SOX5: variants seen among roughly 807,000 people sequenced by gnomAD.
The protein encoded by SOX5 is SRY-box transcription factor 5, also known as transcription factor SOX-5.
SOX5 carries 9 observed loss-of-function variants against 92.0 expected under a neutral mutation model. The observed-to-expected ratio is 0.10, with a 90% CI of 0.06 to 0.17. SOX5 has a LOEUF of 0.17. SOX5 is among the 10% of genes least tolerant of loss of function. The pLI, the probability that SOX5 is intolerant of heterozygous loss-of-function variation, is 1.00. For missense variants in SOX5, 642 were observed against 944.5 expected (o/e 0.68, Z 4.20); for synonymous variants, 344 against 336.3 (o/e 1.02, Z -0.25).
rs545687808 is a variant in SOX5, at chr12:23,864,702, T to C, written c.271-18509A>G. On this transcript the variant is annotated intron_variant, in intron 2 of 14. Transcript: ENST00000451604. ...AAGGCTGAGAGAGGTGAGGAAGCTG[T>C]AGAAGAAAAGTTGAAAGCTAGCAGA... Among the ~76,000 whole-genome samples, 17 of 152,274 alleles carry C rather than the reference T, an allele frequency of 1.1e-4. No individual in the cohort carries two copies. In the South Asian group the frequency reaches 2.5e-3, roughly 22 times the overall value.
chr12:24,131,812 T>A (rs889023028), intron 4 of SOX5, among the ~76,000 whole-genome samples: 2 of 152,286 alleles, frequency 1.3e-5, no homozygotes, highest in Non-Finnish European at 1.5e-5. Flanking sequence ...ATCTGTTTTA[T>A]TAAAATGGTG....
Position 24,303,334 on chromosome 12 carries a change from G to A in SOX5, c.-173-26022C>T, listed in dbSNP as rs767457564. ...TTACAGTAATCATACAGAGTATAGGGGACAAAACAAGACGTTAGACATCAT... is the reference window on the plus strand; with the variant it reads ...TTACAGTAATCATACAGAGTATAGGAGACAAAACAAGACGTTAGACATCAT... On this transcript the variant is annotated intron_variant, in intron 2 of 4. Transcript: ENST00000446891. 2.3e-3 allele frequency among the ~76,000 whole-genome samples: 351 copies of A among 152,128 alleles called. 1 individual carries two copies. Among genetic ancestry groups the A allele is most frequent in the African/African-American group, 7.4e-3 (306 of 41,500 alleles).
rs530357129 is a variant in SOX5, at chr12:24,366,867, T to C, written c.-174+1696A>G. Reference sequence around the variant, plus strand: ...TTTTCCAGTCCTTTTCAATTAAATTTACACAATGCAGGATTATTTTCTAGT... The same window carrying C: ...TTTTCCAGTCCTTTTCAATTAAATTCACACAATGCAGGATTATTTTCTAGT... On this transcript the variant is annotated intron_variant, in intron 2 of 4. Coordinates refer to the SOX5 transcript ENST00000446891. Among the ~76,000 whole-genome samples the C allele has an allele frequency of 1.6e-3, 246 of 152,116 alleles. 1 individual carries two copies. The highest frequency in any genetic ancestry group is 5.5e-3 in the African/African-American group (228 of 41,500).
chr12:24,453,370 A>G (rs1227164624), intron 1 of SOX5, among the ~76,000 whole-genome samples: 3 of 152,236 alleles, frequency 2.0e-5, no homozygotes, highest in Admixed American at 6.5e-5. Context: ...CATGAAAGCA[A>G]TCTAGTCAGA....
chr12:23,939,501 T>A (rs536113235), intron 1 of SOX5, among the ~76,000 whole-genome samples: 9 of 151,070 alleles, frequency 6.0e-5, no homozygotes, highest in South Asian at 2.1e-4. Flanking sequence ...GTAAAAAAAA[T>A]TAATTTTAAC....
intron 9 of SOX5, among the ~76,000 whole-genome samples, chr12:23,576,816 G>A (rs532634873): frequency 2.2e-4 from 34 of 151,590 alleles, no homozygotes; most frequent in South Asian, 8.4e-4. Flanking sequence ...TGTTCCTTTC[G>A]TGTGCTCTAA....
intron 3 of SOX5, among the ~76,000 whole-genome samples, chr12:24,257,320 CA>C: frequency 6.6e-6 from 1 of 152,116 alleles, no homozygotes; most frequent in East Asian, 1.9e-4. Flanking sequence ...TTCCTACATT[CA>C]TTATATACAT....
Position 23,575,777 on chromosome 12 carries a change from G to T in SOX5, c.1226C>A (p.Pro409His), listed in dbSNP as rs1565958110. Reference protein sequence around the residue: ...AKPKTSDGKSPTSPTSPHMPA... With the variant: ...AKPKTSDGKSHTSPTSPHMPA... ...CATATGGGGAGAGGTGGGTGATGTGGGTGATTTGCCATCAGAGGTCTTGGG... is the reference window on the plus strand; with the variant it reads ...CATATGGGGAGAGGTGGGTGATGTGTGTGATTTGCCATCAGAGGTCTTGGG... Residue 409 changes from proline to histidine, a missense_variant, in exon 10 of 15, where the codon CCC becomes CAC. By Grantham distance (77) the Pro-to-His change is moderately conservative (BLOSUM62 -2). Around this residue, in one of 8 missense-constraint regions of SOX5, gnomAD observed 324 missense variants for 461.6 expected, o/e 0.70. Transcript: ENST00000451604. 3.1e-6 allele frequency: 5 copies of T among 1,610,980 alleles called. No individual in the cohort carries two copies. The highest frequency in any genetic ancestry group is 4.2e-6 in the Non-Finnish European group (5 of 1,178,706).
rs1398100764 is a variant in SOX5, at chr12:24,237,024, T to C, written c.-76-23607A>G. On this transcript the variant is annotated intron_variant, in intron 3 of 4. Transcript: ENST00000446891. ...GCCACGGTCTTTTGATCTTTAAAGG[T>C]GTACATGTCTACTAGAAAATGAGAA... Among the ~76,000 whole-genome samples, 6 of 152,204 alleles carry C rather than the reference T, an allele frequency of 3.9e-5. No individual in the cohort carries two copies. The South Asian group carries it at 1.2e-3, about 32-fold the overall frequency.
At chr12:23,985,557 C>T (rs1319755067) in intron 4 of SOX5, among the ~76,000 whole-genome samples, 1 of 152,154 alleles carries the variant, frequency 6.6e-6, no homozygotes, top group Non-Finnish European at 1.5e-5. Context: ...CCAAAAGGTT[C>T]TGCATAAGAA....
chr12:23,670,297 C>G (rs1256777137), intron 6 of SOX5, among the ~76,000 whole-genome samples: 1 of 152,074 alleles, frequency 6.6e-6, no homozygotes, highest in African/African-American at 2.4e-5. Flanking sequence ...AGGGTGAGGA[C>G]TGAATGACAG....
intron 1 of SOX5, among the ~76,000 whole-genome samples, chr12:23,949,109 A>T (rs1945115173): frequency 1.3e-5 from 2 of 152,192 alleles, no homozygotes; most frequent in South Asian, 4.1e-4. Flanking sequence ...GGAAGGATCA[A>T]ATAGGAACTT....
At position 24,118,578 on chromosome 12, in the gene SOX5, T is replaced by TA. The variant is rs752881748; in HGVS notation, c.-2+94764dup. On this transcript the variant is annotated intron_variant, in intron 4 of 4. Transcript: ENST00000446891. The stretch of plus-strand genomic sequence containing the variant: ...ATTACTTGACATGATCATACATCTT[T>TA]AAAAAAAAAGCCTAGGAAATCTCTA... Among the ~76,000 whole-genome samples the TA allele has an allele frequency of 7.8e-3, 1,173 of 150,666 alleles. 12 individuals are homozygous for TA. The highest frequency in any genetic ancestry group is 0.027 in the African/African-American group (1,093 of 41,076).
intron 3 of SOX5, among the ~76,000 whole-genome samples, chr12:24,258,432 A>G (rs1941584069): frequency 6.6e-6 from 1 of 152,322 alleles, no homozygotes; most frequent in Non-Finnish European, 1.5e-5. Flanking sequence ...CATCATTATT[A>G]TTTTATCACC....
At chr12:23,860,964 A>AAC (rs374102622) in intron 2 of SOX5, among the ~76,000 whole-genome samples, 19,332 of 108,290 alleles carry the variant, frequency 0.18, 1,402 homozygotes, top group South Asian at 0.26. Flanking sequence ...AAAAAAAAAA[A>AAC]AAAAAAAAAA....
At chr12:24,399,118 G>C (rs1960844175) in intron 1 of SOX5, among the ~76,000 whole-genome samples, 1 of 152,070 alleles carries the variant, frequency 6.6e-6, no homozygotes, top group Non-Finnish European at 1.5e-5. Flanking sequence ...CTAAAGGAAG[G>C]GCAGTCAAAG....
At chr12:24,279,375 C>T (rs1022792228) in intron 2 of SOX5, among the ~76,000 whole-genome samples, 1 of 152,024 alleles carries the variant, frequency 6.6e-6, no homozygotes, top group Non-Finnish European at 1.5e-5. Context: ...ATTATAAGTA[C>T]TCTGCACCCA....
In SOX5 at chr12:23,610,450, G is replaced by A. The variant is rs370979548; in HGVS notation, c.1018-5917C>T. ...TTTACTGACCAGTAAACTCCTTGAAGGCAGAGATTATGTCCCTGCTAATCA... is the reference window on the plus strand; with the variant it reads ...TTTACTGACCAGTAAACTCCTTGAAAGCAGAGATTATGTCCCTGCTAATCA... On this transcript the variant is annotated intron_variant, in intron 8 of 14. Transcript: ENST00000451604. Among the ~76,000 whole-genome samples the A allele has an allele frequency of 5.3e-5, 8 of 152,170 alleles. 1 individual carries two copies. The highest frequency in any genetic ancestry group is 1.9e-4 in the African/African-American group (8 of 41,544).
intron 3 of SOX5, among the ~76,000 whole-genome samples, chr12:24,254,697 C>A (rs898734293): frequency 2.3e-5 from 3 of 127,858 alleles, no homozygotes; most frequent in Admixed American, 8.6e-5. Flanking sequence ...TGTCCATATT[C>A]TTTTTTCTTT....
Sources: gnomAD v4.1 joint callset for allele counts (sites outside exome capture counted in the v4.1 genomes callset) on GRCh38, gnomAD v4.1.1 for gene constraint, gnomAD v4.1.1 regional missense constraint, MANE v1.5 for transcripts, NCBI Gene and HGNC (gene_info 2026-07-23, HGNC 2026-07-21) for gene names.